GNAO1: variants seen among roughly 807,000 people sequenced by gnomAD.
GNAO1 encodes the protein guanine nucleotide-binding protein G(o) subunit alpha.
For synonymous variants in GNAO1, 164 were observed against 180.7 expected (o/e 0.91, Z 0.74); for missense variants, 166 against 478.7 (o/e 0.35, Z 6.10).
intron 2 of GNAO1, among the ~76,000 whole-genome samples, chr16:56,223,399 C>G (rs965491325): frequency 3.3e-5 from 5 of 152,248 alleles, no homozygotes; most frequent in Admixed American, 6.5e-5. Context: ...TGTTATATCT[C>G]TCTCTCTTTC....
intron 3 of GNAO1, among the ~76,000 whole-genome samples, chr16:56,314,153 T>C (rs1276908131): frequency 1.3e-5 from 2 of 152,240 alleles, no homozygotes; most frequent in African/African-American, 4.8e-5. Context: ...ACACTGATCT[T>C]TGAGAAAAGC....
intron 2 of GNAO1, among the ~76,000 whole-genome samples, chr16:56,197,169 A>G (rs571894889): frequency 4.6e-5 from 7 of 152,354 alleles, no homozygotes; most frequent in African/African-American, 1.4e-4. Context: ...CCATTACTCC[A>G]TGAAAGTGCG....
chr16:56,230,751 T>G (rs1452356210), intron 2 of GNAO1, among the ~76,000 whole-genome samples: 1 of 152,234 alleles, frequency 6.6e-6, no homozygotes, highest in Non-Finnish European at 1.5e-5. Context: ...TAAGGTTTCT[T>G]CATTCTTTGT....
intron 2 of GNAO1, among the ~76,000 whole-genome samples, chr16:56,258,249 A>G (rs1288307822): frequency 6.6e-6 from 1 of 152,178 alleles, no homozygotes; most frequent in Non-Finnish European, 1.5e-5. Context: ...TTTAGCTCCC[A>G]GCTCTGCTGC....
At chr16:56,221,501 T>G (rs562808332) in intron 2 of GNAO1, among the ~76,000 whole-genome samples, 8 of 151,922 alleles carry the variant, frequency 5.3e-5, no homozygotes, top group Non-Finnish European at 5.9e-5. Context: ...AATACAAAAA[T>G]TAGCTGGGTG....
intron 6 of GNAO1, chr16:56,345,746 C>T (rs56839779): frequency 3.6e-5 from 35 of 985,604 alleles, no homozygotes; most frequent in African/African-American, 2.6e-4. Context: ...TAAGCCATCC[C>T]GCCCAACACA....
intron 6 of GNAO1, among the ~76,000 whole-genome samples, chr16:56,349,198 A>G (rs1015933584): frequency 2.0e-5 from 3 of 152,272 alleles, no homozygotes; most frequent in Admixed American, 2.0e-4. Flanking sequence ...TCAGTGGCCA[A>G]GGGGGCACAG....
chr16:56,278,133 C>T (rs551203013), intron 3 of GNAO1, among the ~76,000 whole-genome samples: 10 of 152,212 alleles, frequency 6.6e-5, no homozygotes, highest in Non-Finnish European at 1.0e-4. Context: ...TGGAATTTCC[C>T]AGTCAAGTCA....
chr16:56,220,811 A>C (rs2036477850), intron 2 of GNAO1, among the ~76,000 whole-genome samples: 1 of 152,068 alleles, frequency 6.6e-6, no homozygotes, highest in African/African-American at 2.4e-5. Context: ...GCAGTGGCAC[A>C]ATCTTGGCTC....
At chr16:56,210,233 A>G (rs1176510576) in intron 2 of GNAO1, among the ~76,000 whole-genome samples, 1 of 152,174 alleles carries the variant, frequency 6.6e-6, no homozygotes. Flanking sequence ...ATGTGTTTTC[A>G]TGGCTTGACA....
chr16:56,328,062 C>G (rs2037653353), intron 3 of GNAO1, among the ~76,000 whole-genome samples: 2 of 152,224 alleles, frequency 1.3e-5, no homozygotes, highest in Admixed American at 6.5e-5. Flanking sequence ...TCCCCCAGTC[C>G]TGAGGCACAG....
At chr16:56,294,021 CA>C (rs2037258011) in intron 3 of GNAO1, among the ~76,000 whole-genome samples, 2 of 152,176 alleles carry the variant, frequency 1.3e-5, no homozygotes, top group Admixed American at 1.3e-4. Flanking sequence ...ACTGTGCCAA[CA>C]GTGTTGAGAC....
chr16:56,336,895 G>A (rs12721464), intron 6 of GNAO1, 35 bp downstream of exon 6: 141 of 1,588,212 alleles, frequency 8.9e-5, no homozygotes, highest in Non-Finnish European at 1.1e-4. Context: ...AGGGGGCAGC[G>A]CTGAGGAGAC....
chr16:56,209,869 C>T (rs1263500303), intron 2 of GNAO1, among the ~76,000 whole-genome samples: 6 of 152,004 alleles, frequency 3.9e-5, no homozygotes, highest in African/African-American at 1.4e-4. Flanking sequence ...ACAGTTATTC[C>T]AGTTGATGAA....
chr16:56,233,659 A>C (rs2036611558), intron 2 of GNAO1, among the ~76,000 whole-genome samples: 1 of 152,230 alleles, frequency 6.6e-6, no homozygotes, highest in African/African-American at 2.4e-5. Flanking sequence ...TGGTTACTAC[A>C]GGCAGGTCTG....
chr16:56,206,197 G>A (rs145973281), intron 2 of GNAO1, among the ~76,000 whole-genome samples: 117 of 152,120 alleles, frequency 7.7e-4, no homozygotes, highest in Non-Finnish European at 1.1e-3. Context: ...GTGGGCGACT[G>A]TAGTCACAGC....
chr16:56,233,338 AG>A (rs2036608301), intron 2 of GNAO1, among the ~76,000 whole-genome samples: 1 of 152,166 alleles, frequency 6.6e-6, no homozygotes, highest in South Asian at 2.1e-4. Context: ...TGCTTAGTAA[AG>A]TTTGGTTGGA....
chr16:56,309,884 C>G (rs2037437235), intron 3 of GNAO1, among the ~76,000 whole-genome samples: 1 of 152,140 alleles, frequency 6.6e-6, no homozygotes, highest in African/African-American at 2.4e-5. Context: ...TGATTTTTAT[C>G]TCAATATTTA....
At chr16:56,302,897 C>G (rs1356361089) in intron 3 of GNAO1, 3 of 152,216 alleles carry the variant, frequency 2.0e-5, no homozygotes, top group Non-Finnish European at 4.4e-5. Flanking sequence ...ATTAATTGAG[C>G]AAATCACAGA....
Sources: gnomAD v4.1 joint callset for allele counts (sites outside exome capture counted in the v4.1 genomes callset) on GRCh38, gnomAD v4.1.1 for gene constraint, MANE v1.5 for transcripts, NCBI Gene and HGNC (gene_info 2026-07-23, HGNC 2026-07-21) for gene names.